DAB2: variants seen among roughly 807,000 people sequenced by gnomAD.
The protein encoded by DAB2 is DAB adaptor protein 2, also known as disabled homolog 2.
Under a neutral mutation model 71.6 loss-of-function variants are expected in DAB2, and 28 were observed. The observed-to-expected ratio is 0.39, with a 90% CI of 0.29 to 0.54. The LOEUF (loss-of-function observed/expected upper bound fraction) is 0.54, where lower values mean the gene tolerates loss of function less well. Ranked by LOEUF, DAB2 falls within the 20% of genes least tolerant of loss-of-function variation. The probability of loss-of-function intolerance (pLI) is 0.68; values close to 1 mark genes in which losing one functional copy is unlikely to be tolerated. For synonymous variants in DAB2, 345 were observed against 339.7 expected (o/e 1.02, Z -0.17); for missense variants, 867 against 928.8 (o/e 0.93, Z 0.86).
intron 1 of DAB2, among the ~76,000 whole-genome samples, chr5:39,404,191 C>T (rs1407510610): frequency 3.0e-5 from 4 of 133,394 alleles, no homozygotes; most frequent in Non-Finnish European, 6.1e-5. Context: ...GCGAATTGAA[C>T]AATGAGAGCA....
Position 39,382,621 on chromosome 5 carries a change from A to T in DAB2, c.1338T>A (p.Ala446=), listed in dbSNP as rs773489717. 3 of 1,612,394 alleles carry T rather than the reference A, an allele frequency of 1.9e-6. No homozygotes were observed. In the Admixed American group the frequency reaches 5.0e-5, roughly 27 times the overall value. ...STKPGRGRRT[A]KSSANDLLAS... is the part of the protein sequence containing the mutation. ...ATATGTGGAGAAGACAATTCACCTT[A>T]GCAGTCCTTCTGCCTCTTCCTGGTT... Residue 446 remains alanine, a synonymous_variant, in exon 10 of 15, where the codon GCT becomes GCA. Coordinates refer to ENST00000320816, the MANE Select transcript of DAB2 (RefSeq NM_001343.4).
At chr5:39,414,859 G>A (rs1422250274) in intron 1 of DAB2, among the ~76,000 whole-genome samples, 1 of 152,012 alleles carries the variant, frequency 6.6e-6, no homozygotes, top group Non-Finnish European at 1.5e-5. Context: ...TGGCCATCTG[G>A]TTATTGTTTA....
At position 39,424,929 on chromosome 5, in the gene DAB2, G is replaced by C. The variant is rs1359161809; in HGVS notation, c.-227C>G. The C allele has an allele frequency of 6.6e-6, 1 of 152,490 alleles. No homozygotes were observed. The highest frequency in any genetic ancestry group is 1.9e-4 in the East Asian group (1 of 5,170). The allele number at this position is 152,490 out of a possible 1,614,324, so 9.4% of individuals were successfully genotyped here. The stretch of plus-strand genomic sequence containing the variant: ...CGGCCGGGAGCTTCGGAGCCGCGCG[G>C]CCACTCCCGGCGAGAGATATGGTTC... On this transcript the variant is annotated 5_prime_UTR_variant, in exon 1 of 15. Coordinates refer to ENST00000320816, the MANE Select transcript of DAB2 (RefSeq NM_001343.4).
chr5:39,378,519 T>G (rs181345232), intron 11 of DAB2, among the ~76,000 whole-genome samples: 1 of 152,224 alleles, frequency 6.6e-6, no homozygotes, highest in Non-Finnish European at 1.5e-5. Flanking sequence ...GAGCACAAGA[T>G]TATATCTTCG....
intron 1 of DAB2, among the ~76,000 whole-genome samples, chr5:39,414,111 C>G (rs2367587): frequency 0.95 from 144,066 of 151,992 alleles, 68,650 homozygotes; most frequent in African/African-American, 0.99. Flanking sequence ...AACTCTTATG[C>G]TAGGATTTTC....
At chr5:39,390,048 T>C in intron 5 of DAB2, 116 bp from the exon 6 acceptor site, 1 of 726,140 alleles carries the variant, frequency 1.4e-6, no homozygotes, top group Non-Finnish European at 2.2e-6. Flanking sequence ...AACGCCTTAC[T>C]ACCCTCTGCT....
Position 39,389,122 on chromosome 5 carries a change from A to C in DAB2, c.545T>G (p.Ile182Arg), listed in dbSNP as rs1055382539. ...CTCAACTGCTTTGCTGGCTTCCTCT[A>C]TCTAAAAAGAAAGATACATATTCAG... is the stretch of plus-strand genomic sequence containing the variant. ...VKKKEEEKKKIEEASKAVENG... is the reference protein window; with the variant it reads ...VKKKEEEKKKREEASKAVENG... The change falls in exon 7 of 15, where the codon ATA (isoleucine) becomes AGA (arginine). Residue 182 changes from isoleucine (I) to arginine (R), a missense_variant and splice_region_variant. By Grantham distance (97) the Ile-to-Arg change is moderately conservative. Coordinates refer to ENST00000320816, the MANE Select transcript of DAB2 (RefSeq NM_001343.4). 44 of 1,611,066 alleles carry C rather than the reference A, an allele frequency of 2.7e-5. No individual in the cohort carries two copies. Among genetic ancestry groups the C allele is most frequent in the Admixed American group, 6.7e-5 (4 of 59,746 alleles).
At chr5:39,383,607 C>A (rs2112039239) in intron 9 of DAB2, among the ~76,000 whole-genome samples, 1 of 152,268 alleles carries the variant, frequency 6.6e-6, no homozygotes, top group East Asian at 1.9e-4. Context: ...CAATTTGTGA[C>A]TTTGAAAGTC....
intron 1 of DAB2, among the ~76,000 whole-genome samples, chr5:39,409,630 G>A (rs897727208): frequency 2.6e-5 from 4 of 152,108 alleles, no homozygotes; most frequent in East Asian, 1.9e-4. Flanking sequence ...ACCATTGACT[G>A]GTCTACCCTT....
chr5:39,416,337 G>T (rs1755846770), intron 1 of DAB2, among the ~76,000 whole-genome samples: 2 of 152,200 alleles, frequency 1.3e-5, no homozygotes, highest in Admixed American at 6.5e-5. Context: ...AGAATCTAAG[G>T]TGTAAGAGAC....
chr5:39,418,383 C>T (rs1181484210), intron 1 of DAB2: 1 of 152,148 alleles, frequency 6.6e-6, no homozygotes, highest in African/African-American at 2.4e-5. Flanking sequence ...ATCTGTATTA[C>T]ATATTACAGA....
intron 3 of DAB2, 139 bp from the exon 4 acceptor site, chr5:39,392,602 C>T (rs79185156): frequency 1.9e-5 from 12 of 645,972 alleles, no homozygotes; most frequent in South Asian, 9.4e-5. Context: ...ACTTTTCATC[C>T]GGGACAGCAA....
At chr5:39,380,558 T>C (rs1319367178) in intron 11 of DAB2, among the ~76,000 whole-genome samples, 1 of 152,088 alleles carries the variant, frequency 6.6e-6, no homozygotes, top group African/African-American at 2.4e-5. Context: ...ATAGAGTCCA[T>C]AGCAGGACAG....
chr5:39,419,058 A>G (rs1414019891), intron 1 of DAB2, among the ~76,000 whole-genome samples: 1 of 152,126 alleles, frequency 6.6e-6, no homozygotes, highest in Non-Finnish European at 1.5e-5. Flanking sequence ...CCAATTATAT[A>G]CTTGTACATC....
rs184775634 is a variant in DAB2 at position 39,381,477 on chromosome 5, G to C, written c.1481C>G (p.Pro494Arg). The C allele has an allele frequency of 2.7e-4, 443 of 1,614,052 alleles. 2 individuals carry two copies. Among genetic ancestry groups the C allele is most frequent in the Non-Finnish European group, 1.1e-5 (13 of 1,179,960 alleles). ...LDLFKTSAPA[P>R]VGPLVGLGGV... is the part of the protein sequence containing the mutation. ...ACCTAGACCCACCAGGGGCCCCACT[G>C]GGGCAGGAGCACTTGTTTTGAAGAG... is the stretch of plus-strand genomic sequence containing the variant. Residue 494 changes from proline to arginine, a missense_variant, in exon 11 of 15, where the codon CCA becomes CGA. This residue lies in a region of DAB2 where 740 missense variants were observed against 734.3 expected (regional missense o/e 1.01). Coordinates refer to ENST00000320816, the MANE Select transcript of DAB2 (RefSeq NM_001343.4).
intron 1 of DAB2, among the ~76,000 whole-genome samples, chr5:39,396,555 A>G (rs1354745646): frequency 3.3e-5 from 5 of 152,002 alleles, no homozygotes; most frequent in African/African-American, 1.2e-4. Flanking sequence ...ATGTGTATAC[A>G]CTGGTATGTA....
intron 9 of DAB2, among the ~76,000 whole-genome samples, chr5:39,386,328 A>C (rs1755099362): frequency 6.6e-6 from 1 of 152,172 alleles, no homozygotes; most frequent in Non-Finnish European, 1.5e-5. Context: ...GACCAATAAT[A>C]AAGTCTAGGT....
At chr5:39,419,622 T>G (rs1441392516) in intron 1 of DAB2, among the ~76,000 whole-genome samples, 1 of 152,138 alleles carries the variant, frequency 6.6e-6, no homozygotes, top group African/African-American at 2.4e-5. Flanking sequence ...AAATAAAAAG[T>G]TTTATAGGTT....
intron 11 of DAB2, among the ~76,000 whole-genome samples, chr5:39,377,741 A>G (rs1209367442): frequency 6.6e-6 from 1 of 152,202 alleles, no homozygotes; most frequent in Non-Finnish European, 1.5e-5. Flanking sequence ...TCTGAGTCAC[A>G]GATTTGATCT....
Sources: allele counts gnomAD v4.1 joint callset (sites outside exome capture counted in the v4.1 genomes callset), GRCh38; gene constraint gnomAD v4.1.1; regional missense constraint gnomAD v4.1.1; transcripts MANE v1.5; gene names NCBI Gene and HGNC (gene_info 2026-07-23, HGNC 2026-07-21).